DPY19L2: variants seen among roughly 807,000 people sequenced by gnomAD.
DPY19L2 encodes probable C-mannosyltransferase DPY19L2.
DPY19L2 carries 34 observed loss-of-function variants against 97.9 expected under a neutral mutation model. The observed-to-expected ratio is 0.35, with a 90% CI of 0.26 to 0.46. DPY19L2 has a LOEUF of 0.46. Among genes scored for constraint, DPY19L2 ranks in the 20% least tolerant of loss-of-function variants. DPY19L2 has a pLI of 1.00. For missense variants in DPY19L2, 623 were observed against 911.4 expected (o/e 0.68, Z 4.07); for synonymous variants, 230 against 307.9 (o/e 0.75, Z 2.65).
chr12:63,643,020 A>T (rs907173472), intron 6 of DPY19L2, among the ~76,000 whole-genome samples: 21 of 151,820 alleles, frequency 1.4e-4, no homozygotes, highest in African/African-American at 4.8e-4. Flanking sequence ...TTTTAATGCT[A>T]TTCCAAATAG....
At chr12:63,577,809 T>A (rs1880128190) in intron 19 of DPY19L2, among the ~76,000 whole-genome samples, 1 of 151,956 alleles carries the variant, frequency 6.6e-6, no homozygotes, top group Non-Finnish European at 1.5e-5. Flanking sequence ...CAGGAAACGA[T>A]GTGGAGAAAA....
Position 63,629,947 on chromosome 12 carries a change from C to T in DPY19L2, c.804-3421G>A, listed in dbSNP as rs552035727. ...AAAGAAAAGAATTTTCAACCCAGAA[C>T]TTCATATCCAGCCAAACTAAGCTTC... On this transcript the variant is annotated intron_variant, in intron 6 of 21. Coordinates refer to ENST00000324472, the MANE Select transcript of DPY19L2 (RefSeq NM_173812.5). Among the ~76,000 whole-genome samples, 1,514 of 152,126 alleles carry T rather than the reference C, an allele frequency of 1.0e-2. 19 individuals are homozygous for T. The highest frequency in any genetic ancestry group is 0.034 in the African/African-American group (1,418 of 41,508).
At chr12:63,589,394 T>TAAAAAAAAAAAAAAAAAAAAACA (rs1882478786) in intron 16 of DPY19L2, among the ~76,000 whole-genome samples, 1 of 43,676 alleles carries the variant, frequency 2.3e-5, no homozygotes, top group African/African-American at 7.0e-5. Flanking sequence ...AAAAAAAAAG[T>TAAAAAAAAAAAAAAAAAAAAACA]AAAGCAGCTT....
At chr12:63,591,461 G>A (rs894094174) in intron 16 of DPY19L2, among the ~76,000 whole-genome samples, 5 of 152,130 alleles carry the variant, frequency 3.3e-5, no homozygotes, top group South Asian at 2.1e-4. Flanking sequence ...CCCCTGCATC[G>A]AAAATAAAAG....
intron 12 of DPY19L2, among the ~76,000 whole-genome samples, chr12:63,607,772 A>G (rs1309709952): frequency 1.3e-5 from 2 of 152,222 alleles, no homozygotes; most frequent in East Asian, 3.9e-4. Context: ...AGTTGGGATC[A>G]CAGGCTCATG....
chr12:63,577,807 G>A (rs1487812023), intron 19 of DPY19L2, among the ~76,000 whole-genome samples: 7 of 152,000 alleles, frequency 4.6e-5, no homozygotes, highest in Non-Finnish European at 7.4e-5. Context: ...GACAGGAAAC[G>A]ATGTGGAGAA....
intron 19 of DPY19L2, among the ~76,000 whole-genome samples, chr12:63,575,951 A>G (rs933401729): frequency 3.3e-5 from 5 of 151,938 alleles, no homozygotes; most frequent in Non-Finnish European, 7.4e-5. Context: ...TATGAGACCA[A>G]TATCACTTTA....
At chr12:63,614,626 T>G (rs1238609685) in intron 11 of DPY19L2, among the ~76,000 whole-genome samples, 3 of 152,116 alleles carry the variant, frequency 2.0e-5, no homozygotes, top group Non-Finnish European at 4.4e-5. Context: ...TATATGATAT[T>G]CTATCATCCC....
intron 16 of DPY19L2, among the ~76,000 whole-genome samples, chr12:63,587,023 A>AC (rs1287991560): frequency 6.6e-6 from 1 of 152,128 alleles, no homozygotes; most frequent in Non-Finnish European, 1.5e-5. Context: ...TGAATAGAAA[A>AC]AATCTAACAA....
intron 8 of DPY19L2, among the ~76,000 whole-genome samples, chr12:63,623,589 C>A (rs1419744776): frequency 1.3e-5 from 2 of 152,092 alleles, no homozygotes; most frequent in Non-Finnish European, 2.9e-5. Context: ...GCAATTTTTA[C>A]ATAGCAATTT....
At chr12:63,635,526 C>G (rs905771614) in intron 6 of DPY19L2, among the ~76,000 whole-genome samples, 1 of 151,934 alleles carries the variant, frequency 6.6e-6, no homozygotes, top group Non-Finnish European at 1.5e-5. Context: ...CGCAAAGAAG[C>G]TAAAAACCTT....
chr12:63,655,267 A>G (rs183842426), intron 4 of DPY19L2, among the ~76,000 whole-genome samples: 1 of 152,186 alleles, frequency 6.6e-6, no homozygotes, highest in Non-Finnish European at 1.5e-5. Context: ...CCATAATGAT[A>G]TATCACTACA....
intron 21 of DPY19L2, among the ~76,000 whole-genome samples, chr12:63,568,540 A>C (rs1878205057): frequency 6.6e-6 from 1 of 152,040 alleles, no homozygotes; most frequent in Non-Finnish European, 1.5e-5. Flanking sequence ...AGTATTGGTC[A>C]TACTTTCTCA....
chr12:63,582,817 T>C (rs1169413511), intron 17 of DPY19L2, among the ~76,000 whole-genome samples: 1 of 152,018 alleles, frequency 6.6e-6, no homozygotes, highest in Non-Finnish European at 1.5e-5. Flanking sequence ...CATTACATAG[T>C]CTACTGTAAG....
At chr12:63,566,451 C>G (rs367932694) in intron 21 of DPY19L2, among the ~76,000 whole-genome samples, 32 of 152,104 alleles carry the variant, frequency 2.1e-4, no homozygotes, top group African/African-American at 7.0e-4. Context: ...ATACTCCCCC[C>G]ACATTCCCAC....
At chr12:63,666,630 G>A in intron 1 of DPY19L2, 1 of 236,914 alleles carries the variant, frequency 4.2e-6, no homozygotes, top group South Asian at 4.9e-5. Flanking sequence ...TCTTATAGAG[G>A]TTCAGCATCT....
chr12:63,665,569 G>T (rs1305160552), intron 2 of DPY19L2, among the ~76,000 whole-genome samples: 1 of 152,018 alleles, frequency 6.6e-6, no homozygotes, highest in Non-Finnish European at 1.5e-5. Flanking sequence ...CACTAGAAAA[G>T]CTAGATATTT....
chr12:63,599,319 T>C (rs911898465), intron 13 of DPY19L2, among the ~76,000 whole-genome samples: 6 of 151,648 alleles, frequency 4.0e-5, no homozygotes, highest in African/African-American at 1.5e-4. Context: ...ATAAGACATA[T>C]ATAATAAAGT....
intron 16 of DPY19L2, among the ~76,000 whole-genome samples, chr12:63,589,357 CAAAAAAA>C (rs71086687): frequency 4.3e-3 from 82 of 18,924 alleles, no homozygotes; most frequent in South Asian, 0.018. Flanking sequence ...AAATGTGTTG[CAAAAAAA>C]AAAAAAAAAA....
Sources: allele counts gnomAD v4.1 joint callset (sites outside exome capture counted in the v4.1 genomes callset), GRCh38; gene constraint gnomAD v4.1.1; transcripts MANE v1.5; gene names NCBI Gene and HGNC (gene_info 2026-07-23, HGNC 2026-07-21).